The following NEK1 variants were observed in gnomAD, a reference collection of about 807,000 sequenced individuals.
NEK1 encodes NIMA related kinase 1, also known as serine/threonine-protein kinase Nek1.
A neutral mutation model predicts 182.1 loss-of-function variants in NEK1; 137 were observed. The ratio of observed to expected loss-of-function variants is 0.75; its 90% confidence interval spans 0.65 to 0.87. The LOEUF is 0.87. Ranked by LOEUF, NEK1 falls within the 40% of genes least tolerant of loss-of-function variation. The pLI is 0.00. For missense variants in NEK1, 1,391 were observed against 1,494.4 expected (o/e 0.93, Z 1.14); for synonymous variants, 513 against 492.2 (o/e 1.04, Z -0.56).
chr4:169,396,394 A>AAAAAAAAG (rs1561111795), intron 35 of NEK1, among the ~76,000 whole-genome samples: 2 of 142,352 alleles, frequency 1.4e-5, no homozygotes, highest in African/African-American at 5.4e-5. Flanking sequence ...AAAAAAAAAA[A>AAAAAAAAG]AAGAAGAATC....
intron 26 of NEK1, among the ~76,000 whole-genome samples, chr4:169,466,850 G>A (rs188822101): frequency 2.1e-4 from 22 of 104,014 alleles, no homozygotes; most frequent in African/African-American, 6.3e-4. Flanking sequence ...TGTATTATGG[G>A]ATTTATAGCA....
At chr4:169,565,133 G>C (rs1201694251) in intron 12 of NEK1, among the ~76,000 whole-genome samples, 3 of 152,068 alleles carry the variant, frequency 2.0e-5, no homozygotes. Context: ...CTTTACCTCA[G>C]AAAAGACATT....
At chr4:169,456,125 A>C (rs2149482115) in intron 27 of NEK1, among the ~76,000 whole-genome samples, 1 of 152,342 alleles carries the variant, frequency 6.6e-6, no homozygotes, top group South Asian at 2.1e-4. Flanking sequence ...CAGTGGGTCA[A>C]TGAAGAAATT....
At chr4:169,457,059 G>A (rs961227963) in intron 27 of NEK1, among the ~76,000 whole-genome samples, 3 of 152,150 alleles carry the variant, frequency 2.0e-5, no homozygotes, top group African/African-American at 7.2e-5. Flanking sequence ...CTAGAGGCTA[G>A]GAAGGGTGGT....
At chr4:169,581,036 TG>T (rs1766550978) in intron 10 of NEK1, 134 bp from the exon 11 acceptor site, 18 of 255,736 alleles carry the variant, frequency 7.0e-5, no homozygotes, top group Non-Finnish European at 8.6e-5. Context: ...AAAACCAAGT[TG>T]TTAAAAAAAA....
intron 31 of NEK1, among the ~76,000 whole-genome samples, chr4:169,420,171 G>A (rs1735240545): frequency 6.6e-6 from 1 of 152,140 alleles, no homozygotes; most frequent in African/African-American, 2.4e-5. Context: ...AGAGGGTCAG[G>A]ATCATCAACA....
chr4:169,531,524 T>C (rs936314902), intron 19 of NEK1, among the ~76,000 whole-genome samples: 2 of 151,566 alleles, frequency 1.3e-5, no homozygotes, highest in Admixed American at 1.3e-4. Context: ...GTGTATATGC[T>C]ATAGGAGAGT....
At chr4:169,406,097 A>C (rs1351693744) in intron 32 of NEK1, among the ~76,000 whole-genome samples, 3 of 152,094 alleles carry the variant, frequency 2.0e-5, no homozygotes, top group African/African-American at 2.4e-5. Flanking sequence ...AGTCCACCTC[A>C]AAAGAAAAAA....
At chr4:169,569,704 G>C (rs1348618146) in intron 12 of NEK1, among the ~76,000 whole-genome samples, 2 of 152,092 alleles carry the variant, frequency 1.3e-5, no homozygotes, top group African/African-American at 4.8e-5. Flanking sequence ...GTGTTGGCCG[G>C]GCTGGTCTCC....
intron 22 of NEK1, among the ~76,000 whole-genome samples, 198 bp downstream of exon 22, chr4:169,507,517 T>C (rs1753507797): frequency 6.6e-6 from 1 of 152,200 alleles, no homozygotes; most frequent in Admixed American, 6.5e-5. Flanking sequence ...ATTTATGCCA[T>C]GGTTTTATCT....
At chr4:169,525,427 G>A (rs1756749873) in intron 19 of NEK1, among the ~76,000 whole-genome samples, 1 of 152,076 alleles carries the variant, frequency 6.6e-6, no homozygotes, top group Admixed American at 6.6e-5. Flanking sequence ...ACTGCACCCA[G>A]CCCAAACGTT....
At chr4:169,451,493 C>T (rs576837295) in intron 27 of NEK1, among the ~76,000 whole-genome samples, 26 of 152,222 alleles carry the variant, frequency 1.7e-4, no homozygotes, top group East Asian at 5.8e-4. Context: ...CACTCAAAAC[C>T]GCACAACTAC....
chr4:169,460,121 G>A (rs1265881457), intron 27 of NEK1, among the ~76,000 whole-genome samples: 1 of 152,016 alleles, frequency 6.6e-6, no homozygotes, highest in Non-Finnish European at 1.5e-5. Flanking sequence ...TGTGTGTATG[G>A]GGGAAGGGCA....
At chr4:169,573,631 AAG>A (rs771989433) in intron 12 of NEK1, among the ~76,000 whole-genome samples, 1 of 151,576 alleles carries the variant, frequency 6.6e-6, no homozygotes, top group African/African-American at 2.4e-5. Flanking sequence ...AATAGAAACA[AAG>A]AGGGGGAATA....
chr4:169,406,860 TA>T lies in NEK1; in HGVS notation c.3223-114del, dbSNP rs935303917. The T allele has an allele frequency of 2.9e-6, 2 of 699,098 alleles. 1 individual carries two copies. The allele number at this position is 699,098 out of a possible 1,614,324, so 43.3% of individuals were successfully genotyped here. The stretch of plus-strand genomic sequence containing the variant: ...TTACATATGTGTAAAATGTAACATA[TA>T]AAAAGTTTTTTTATATATGTAACAT... On this transcript the variant is annotated intron_variant, in intron 31 of 35. Transcript: ENST00000507142.
At chr4:169,571,188 AAAT>A (rs1561437425) in intron 12 of NEK1, among the ~76,000 whole-genome samples, 7 of 89,868 alleles carry the variant, frequency 7.8e-5, no homozygotes, top group African/African-American at 3.0e-4. Context: ...AAAAATAAAT[AAAT>A]AAATAAATAA....
rs375773253 is a variant in NEK1, at chr4:169,588,622, T to C, written c.551+27A>G. Reference sequence around the variant, plus strand: ...AACAAAAAAATTGAAAGCAAATACATCACATAATGAATATCATTTTAAATA... The same window carrying C: ...AACAAAAAAATTGAAAGCAAATACACCACATAATGAATATCATTTTAAATA... On this transcript the variant is annotated intron_variant, in intron 8 of 35. Transcript: ENST00000507142. 6.8e-4 allele frequency: 927 copies of C among 1,361,730 alleles called. 19 individuals are homozygous for C. The South Asian group carries it at 8.7e-3, about 13-fold the overall frequency. 84.4% of individuals were successfully genotyped at this position (1,361,730 alleles called of 1,614,324 possible). A position where few individuals can be genotyped will look rare whatever the true frequency, so the allele number is the denominator to read the frequency against.
chr4:169,528,557 C>A (rs1429367369), intron 19 of NEK1, among the ~76,000 whole-genome samples: 1 of 152,190 alleles, frequency 6.6e-6, no homozygotes, highest in Admixed American at 6.5e-5. Flanking sequence ...TATAGCTAAG[C>A]TGTGTCCAGA....
At chr4:169,447,433 A>C (rs540466222) in intron 27 of NEK1, among the ~76,000 whole-genome samples, 1 of 152,330 alleles carries the variant, frequency 6.6e-6, no homozygotes, top group East Asian at 1.9e-4. Context: ...ATATGAAAGA[A>C]TAGGACAATA....
Sources: gnomAD v4.1 joint callset for allele counts (sites outside exome capture counted in the v4.1 genomes callset) on GRCh38, gnomAD v4.1.1 for gene constraint, MANE v1.5 for transcripts, NCBI Gene and HGNC (gene_info 2026-07-23, HGNC 2026-07-21) for gene names.